C1QL3: variants seen among roughly 807,000 people sequenced by gnomAD.
C1QL3 encodes the protein complement C1q like 3.
Under a neutral mutation model 16.6 loss-of-function variants are expected in C1QL3, and 4 were observed. The observed-to-expected ratio is 0.24, with a 90% CI of 0.12 to 0.55. The LOEUF is 0.55. Among genes scored for constraint, C1QL3 ranks in the 20% least tolerant of loss-of-function variants. The pLI is 0.94. For missense variants in C1QL3, 269 were observed against 365.6 expected (o/e 0.74, Z 2.16); for synonymous variants, 189 against 160.2 (o/e 1.18, Z -1.36).
chr10:16,517,363 A>G (rs910325120), intron 1 of C1QL3, among the ~76,000 whole-genome samples: 2 of 152,230 alleles, frequency 1.3e-5, no homozygotes, highest in Non-Finnish European at 2.9e-5. Context: ...AAAATATTTC[A>G]TGGGCATCGG....
chr10:16,520,458 C>A lies in C1QL3; in HGVS notation c.588+20G>T. The stretch of plus-strand genomic sequence containing the variant: ...TCCCGCGCTCCCTCCCCGCCCTCCC[C>A]GCCGCCCGCCCGCGCTCACCTGGTT... On this transcript the variant is annotated intron_variant, in intron 1 of 1. Transcript: ENST00000298943. This position sits in a 1 kb window ranked among gnomAD's most constrained non-coding sequence, Gnocchi z 8.3. 1 of 1,470,238 alleles carries A rather than the reference C, an allele frequency of 6.8e-7. No homozygotes were observed. Among genetic ancestry groups the A allele is most frequent in the Non-Finnish European group, 9.3e-7 (1 of 1,079,472 alleles). 91.1% of individuals were successfully genotyped at this position (1,470,238 alleles called of 1,614,324 possible).
chr10:16,520,961 G>T lies in C1QL3; in HGVS notation c.105C>A (p.Tyr35Ter). ...LGTCRMVCDP[Y>*]GGTKAPSTAA... ...CGGTGCTGGGCGCCTTGGTGCCCCC[G>T]TAGGGGTCGCAGACCATGCGGCAGG... is the stretch of plus-strand genomic sequence containing the variant. The change falls in exon 1 of 2, where the codon TAC becomes TAA. Residue 35 changes from tyrosine to a stop codon, truncating the protein, a stop_gained. Transcript: ENST00000298943. LOFTEE classifies it high-confidence loss of function. This position sits in a 1 kb window ranked among gnomAD's most constrained non-coding sequence, Gnocchi z 8.3. 6.3e-7 allele frequency: 1 copy of T among 1,583,158 alleles called. No homozygotes were observed.
Position 16,520,445 on chromosome 10 carries a change from T to TACCCC in C1QL3, c.588+32_588+33insGGGGT. Reference sequence around the variant, plus strand: ...CTCGCCCGCACCTTCCCGCGCTCCCTCCCCGCCCTCCCCGCCGCCCGCCCG... The same window carrying TACCCC: ...CTCGCCCGCACCTTCCCGCGCTCCCTACCCCCCCCGCCCTCCCCGCCGCCCGCCCG... On this transcript the variant is annotated intron_variant, in intron 1 of 1. Transcript: ENST00000298943. The surrounding 1 kb of genome is among the most constrained non-coding windows in gnomAD (Gnocchi z 8.3). The TACCCC allele has an allele frequency of 3.8e-6, 2 of 527,494 alleles. No homozygotes were observed. The highest frequency in any genetic ancestry group is 3.2e-6 in the Non-Finnish European group (1 of 309,180). 32.7% of individuals were successfully genotyped at this position (527,494 alleles called of 1,614,324 possible).
rs530825001 is a variant in C1QL3, at chr10:16,514,266, T to C, written c.*262A>G. 3.7e-6 allele frequency: 2 copies of C among 546,190 alleles called. No individual in the cohort carries two copies. The highest frequency in any genetic ancestry group is 2.9e-5 in the East Asian group (1 of 34,638). The allele number at this position is 546,190 out of a possible 1,614,324, so 33.8% of individuals were successfully genotyped here. A position where few individuals can be genotyped will look rare whatever the true frequency, so the allele number is the denominator to read the frequency against. On this transcript the variant is annotated 3_prime_UTR_variant, in exon 2 of 2. Transcript: ENST00000298943. ...TGTCTATAAAAATTTGTGATCTATA[T>C]AGGACTTCATTCACATGGACACTAA...
chr10:16,520,340 C>T lies in C1QL3; in HGVS notation c.588+138G>A, dbSNP rs551665192. 4.5e-6 allele frequency: 3 copies of T among 659,436 alleles called. No individual in the cohort carries two copies. In the African/African-American group the frequency reaches 5.8e-5, roughly 13 times the overall value. The allele number at this position is 659,436 out of a possible 1,614,324, so 40.8% of individuals were successfully genotyped here. A position where few individuals can be genotyped will look rare whatever the true frequency, so the allele number is the denominator to read the frequency against. ...CTCTCCAGGGTGGGACGGCGTCCCC[C>T]CTTGCCGTCGCTCCAGGGAGCCCGG... On this transcript the variant is annotated intron_variant, in intron 1 of 1. Transcript: ENST00000298943. The surrounding 1 kb of genome is among the most constrained non-coding windows in gnomAD (Gnocchi z 8.3).
chr10:16,514,452 G>C lies in C1QL3; in HGVS notation c.*76C>G. 1 of 1,307,642 alleles carries C rather than the reference G, an allele frequency of 7.6e-7. No homozygotes were observed. The highest frequency in any genetic ancestry group is 1.3e-5 in the South Asian group (1 of 74,218). The allele number at this position is 1,307,642 out of a possible 1,614,324, so 81.0% of individuals were successfully genotyped here. A position where few individuals can be genotyped will look rare whatever the true frequency, so the allele number is the denominator to read the frequency against. ...GGTGCCCTGCCATTGGCATCCCCTG[G>C]GATCCTTGATTCACTGACGTTAGCC... On this transcript the variant is annotated 3_prime_UTR_variant, in exon 2 of 2. Transcript: ENST00000298943.
intron 1 of C1QL3, among the ~76,000 whole-genome samples, chr10:16,515,727 C>T (rs934648981): frequency 1.2e-4 from 18 of 152,142 alleles, no homozygotes; most frequent in African/African-American, 4.3e-4. Flanking sequence ...TGTGATTCTG[C>T]CTTGGAAAAT....
In C1QL3 at chr10:16,521,093, C is replaced by T. The variant is rs1334918721; in HGVS notation, c.-28G>A. 6.4e-7 allele frequency: 1 copy of T among 1,566,302 alleles called. No homozygotes were observed. The highest frequency in any genetic ancestry group is 8.6e-7 in the Non-Finnish European group (1 of 1,159,138). ...CCACCCCCAGCGCCCCGGCGGCGAT[C>T]AGGCGCCTCCTGCTGCCCACCAGCC... is the stretch of plus-strand genomic sequence containing the variant. On this transcript the variant is annotated 5_prime_UTR_variant, in exon 1 of 2. Coordinates refer to ENST00000298943, the MANE Select transcript of C1QL3 (RefSeq NM_001010908.2).
rs1234739181 is a variant in C1QL3, at chr10:16,520,057, A to C, written c.588+421T>G. On this transcript the variant is annotated intron_variant, in intron 1 of 1. Coordinates refer to ENST00000298943, the MANE Select transcript of C1QL3 (RefSeq NM_001010908.2). The surrounding 1 kb of genome is among the most constrained non-coding windows in gnomAD (Gnocchi z 8.3). ...CCACCCCCGAGTCGGTCACCCTGCCACGCCCATTCCGGACTCCCCCAGGCC... is the reference window on the plus strand; with the variant it reads ...CCACCCCCGAGTCGGTCACCCTGCCCCGCCCATTCCGGACTCCCCCAGGCC... 6.6e-6 allele frequency among the ~76,000 whole-genome samples: 1 copy of C among 151,108 alleles called. No individual in the cohort carries two copies. Among genetic ancestry groups the C allele is most frequent in the African/African-American group, 2.4e-5 (1 of 41,044 alleles).
chr10:16,520,847 A>G lies in C1QL3; in HGVS notation c.219T>C (p.Gly73=), dbSNP rs1837030198. The G allele has an allele frequency of 2.1e-6, 3 of 1,416,892 alleles. No individual in the cohort carries two copies. The highest frequency in any genetic ancestry group is 1.5e-5 in the African/African-American group (1 of 66,534). 87.8% of individuals were successfully genotyped at this position (1,416,892 alleles called of 1,614,324 possible). A position where few individuals can be genotyped will look rare whatever the true frequency, so the allele number is the denominator to read the frequency against. ...KGEAGRPGKA[G]PRGPPGEPGP... Reference sequence around the variant, plus strand: ...CGGGCTCTCCGGGGGGCCCGCGCGGACCCGCCTTCCCGGGCCTGCCGGCCT... The same window carrying G: ...CGGGCTCTCCGGGGGGCCCGCGCGGGCCCGCCTTCCCGGGCCTGCCGGCCT... The change falls in exon 1 of 2, where the codon GGT becomes GGC. Residue 73 remains glycine, a synonymous_variant. Coordinates refer to ENST00000298943, the MANE Select transcript of C1QL3 (RefSeq NM_001010908.2). This position sits in a 1 kb window ranked among gnomAD's most constrained non-coding sequence, Gnocchi z 8.3.
chr10:16,514,714 G>A lies in C1QL3; in HGVS notation c.589-7C>T, dbSNP rs765195473. On this transcript the variant is annotated splice_region_variant and splice_polypyrimidine_tract_variant and intron_variant, in intron 1 of 1. Coordinates refer to ENST00000298943, the MANE Select transcript of C1QL3 (RefSeq NM_001010908.2). ...CAATTGCACTAGCACGCACCTATGT[G>A]AAACAGACAAGAATTAGGATGCGTA... is the stretch of plus-strand genomic sequence containing the variant. The A allele has an allele frequency of 6.2e-7, 1 of 1,600,474 alleles. No individual in the cohort carries two copies. Among genetic ancestry groups the A allele is most frequent in the East Asian group, 2.2e-5 (1 of 44,772 alleles).
Position 16,520,992 on chromosome 10 carries a change from A to G in C1QL3, c.74T>C (p.Leu25Pro). ...SAGTSAHYEMLGTCRMVCDPY... is the reference protein window; with the variant it reads ...SAGTSAHYEMPGTCRMVCDPY... The stretch of plus-strand genomic sequence containing the variant: ...GTCGCAGACCATGCGGCAGGTGCCC[A>G]GCATCTCGTAGTGCGCCGACGTGCC... Residue 25 changes from leucine to proline, a missense_variant, in exon 1 of 2, where the codon CTG becomes CCG. Leu to Pro is a moderately conservative substitution (Grantham distance 98). Transcript: ENST00000298943. The surrounding 1 kb of genome is among the most constrained non-coding windows in gnomAD (Gnocchi z 8.3). The G allele has an allele frequency of 6.3e-7, 1 of 1,595,386 alleles. No individual in the cohort carries two copies.
chr10:16,519,788 A>G (rs1564418119), intron 1 of C1QL3, among the ~76,000 whole-genome samples: 1 of 152,166 alleles, frequency 6.6e-6, no homozygotes, highest in Non-Finnish European at 1.5e-5. Context: ...GTTTCACCGC[A>G]TGAACCCCCG....
chr10:16,519,304 G>A (rs562207423), intron 1 of C1QL3, among the ~76,000 whole-genome samples: 26 of 151,774 alleles, frequency 1.7e-4, no homozygotes, highest in Admixed American at 1.5e-3. Context: ...ACCTCGTTAA[G>A]TCAAAGTTGC....
In C1QL3 at chr10:16,520,843, G is replaced by A. The variant is rs1323244087; in HGVS notation, c.223C>T (p.Arg75Cys). 1.4e-6 allele frequency: 2 copies of A among 1,406,226 alleles called. No individual in the cohort carries two copies. Among genetic ancestry groups the A allele is most frequent in the Non-Finnish European group, 1.8e-6 (2 of 1,083,290 alleles). 87.1% of individuals were successfully genotyped at this position (1,406,226 alleles called of 1,614,324 possible). ...GGCCCGGGCTCTCCGGGGGGCCCGC[G>A]CGGACCCGCCTTCCCGGGCCTGCCG... ...EAGRPGKAGP[R>C]GPPGEPGPPG... The change falls in exon 1 of 2, where the codon CGC becomes TGC. Residue 75 changes from arginine to cysteine, a missense_variant. Arg to Cys is a radical substitution (Grantham distance 180). This residue lies in a region of C1QL3 where 246 missense variants were observed against 297.2 expected (regional missense o/e 0.83). Coordinates refer to ENST00000298943, the MANE Select transcript of C1QL3 (RefSeq NM_001010908.2). The surrounding 1 kb of genome is among the most constrained non-coding windows in gnomAD (Gnocchi z 8.3).
chr10:16,520,441 T>TCCCACCCCCCCCA lies in C1QL3; in HGVS notation c.588+36_588+37insTGGGGGGGGTGGG. The TCCCACCCCCCCCA allele has an allele frequency of 2.4e-6, 3 of 1,227,530 alleles. No individual in the cohort carries two copies. Among genetic ancestry groups the TCCCACCCCCCCCA allele is most frequent in the East Asian group, 2.8e-5 (1 of 35,374 alleles). The allele number at this position is 1,227,530 out of a possible 1,614,324, so 76.0% of individuals were successfully genotyped here. ...CCCTCTCGCCCGCACCTTCCCGCGC[T>TCCCACCCCCCCCA]CCCTCCCCGCCCTCCCCGCCGCCCG... On this transcript the variant is annotated intron_variant, in intron 1 of 1. Transcript: ENST00000298943. This position sits in a 1 kb window ranked among gnomAD's most constrained non-coding sequence, Gnocchi z 8.3.
chr10:16,516,425 T>C (rs1836951820), intron 1 of C1QL3, among the ~76,000 whole-genome samples: 1 of 152,206 alleles, frequency 6.6e-6, no homozygotes, highest in Non-Finnish European at 1.5e-5. Context: ...CTATTATGAC[T>C]TGTGTTTTTT....
chr10:16,520,778 C>A lies in C1QL3; in HGVS notation c.288G>T (p.Pro96=). Residue 96 remains proline, a synonymous_variant, in exon 1 of 2, where the codon CCG becomes CCT. Coordinates refer to ENST00000298943, the MANE Select transcript of C1QL3 (RefSeq NM_001010908.2). The surrounding 1 kb of genome is among the most constrained non-coding windows in gnomAD (Gnocchi z 8.3). ...PMGPPGEKGE[P]GRQGLPGPPG... ...GCGGGCCCGGCAGGCCTTGGCGGCCCGGCTCGCCCTTCTCGCCCGGGGGCC... is the reference window on the plus strand; with the variant it reads ...GCGGGCCCGGCAGGCCTTGGCGGCCAGGCTCGCCCTTCTCGCCCGGGGGCC... The A allele has an allele frequency of 1.5e-6, 2 of 1,294,906 alleles. No homozygotes were observed. Among genetic ancestry groups the A allele is most frequent in the South Asian group, 2.7e-5 (1 of 36,616 alleles). 80.2% of individuals were successfully genotyped at this position (1,294,906 alleles called of 1,614,324 possible). A position where few individuals can be genotyped will look rare whatever the true frequency, so the allele number is the denominator to read the frequency against.
chr10:16,519,774 CTG>C lies in C1QL3; in HGVS notation c.588+702_588+703del, dbSNP rs574364575. Among the ~76,000 whole-genome samples the C allele has an allele frequency of 1.6e-4, 24 of 152,268 alleles. 1 individual carries two copies. Among genetic ancestry groups the C allele is most frequent in the African/African-American group, 3.8e-4 (16 of 41,564 alleles). On this transcript the variant is annotated intron_variant, in intron 1 of 1. Transcript: ENST00000298943. ...TTTGGGTTCTGAGTCTGGCTGCGCG[CTG>C]TGTTTCACCGCATGAACCCCCGAAT...
Sources: gnomAD v4.1 joint callset for allele counts (sites outside exome capture counted in the v4.1 genomes callset) on GRCh38, gnomAD v4.1.1 for gene constraint, gnomAD v4.1.1 regional missense constraint, Gnocchi (gnomAD v3.1) non-coding constraint, MANE v1.5 for transcripts, NCBI Gene and HGNC (gene_info 2026-07-23, HGNC 2026-07-21) for gene names.